HDAC8: variants seen among roughly 807,000 people sequenced by gnomAD.
HDAC8 encodes histone deacetylase-like 1.
HDAC8 carries 1 observed loss-of-function variant against 32.2 expected under a neutral mutation model. That is an observed-to-expected ratio of 0.03 (90% confidence interval 0.01 to 0.15). The LOEUF is 0.15. HDAC8 is among the 10% of genes least tolerant of loss of function. The pLI is 1.00. For synonymous variants in HDAC8, 108 were observed against 113.9 expected (o/e 0.95, Z 0.33); for missense variants, 117 against 300.0 (o/e 0.39, Z 4.51).
intron 9 of HDAC8, among the ~76,000 whole-genome samples, chrX:72,440,149 T>A (rs1432408832): frequency 8.9e-6 from 1 of 111,839 alleles, no homozygotes. Flanking sequence ...ACAATCAAAT[T>A]ACAACTCAGG....
At position 72,329,840 on chromosome X, in the gene HDAC8, C is replaced by A; in HGVS notation, c.*214G>T. ...TAAGAACTTTAAATGTGGGATATCT[C>A]CTTCTTCCCCTAGGTCCAGTTGAGG... On this transcript the variant is annotated 3_prime_UTR_variant, in exon 11 of 11. Coordinates refer to ENST00000373573, the MANE Select transcript of HDAC8 (RefSeq NM_018486.3). 1 of 955,200 alleles carries A rather than the reference C, an allele frequency of 1.0e-6. No individual in the cohort carries two copies. 78.7% of individuals were successfully genotyped at this position (955,200 alleles called of 1,213,427 possible).
intron 9 of HDAC8, among the ~76,000 whole-genome samples, chrX:72,392,293 A>C (rs2045632981): frequency 8.9e-6 from 1 of 111,992 alleles, no homozygotes; most frequent in South Asian, 3.7e-4. Flanking sequence ...CAGGTGGCAC[A>C]AATGTCTCAC....
chrX:72,500,580 C>G (rs782800335), intron 4 of HDAC8, among the ~76,000 whole-genome samples: 2 of 111,624 alleles, frequency 1.8e-5, no homozygotes, highest in Admixed American at 9.5e-5. Flanking sequence ...ATTCAACACC[C>G]CTTCATGTTA....
At chrX:72,356,369 G>A (rs1602565664) in intron 9 of HDAC8, among the ~76,000 whole-genome samples, 1 of 111,443 alleles carries the variant, frequency 9.0e-6, no homozygotes, top group African/African-American at 3.3e-5. Context: ...CGGACAAGGA[G>A]AAGAAGGACA....
At position 72,424,974 on chromosome X, in the gene HDAC8, G is replaced by T. The variant is rs1320860691; in HGVS notation, c.1005+37030C>A. Reference sequence around the variant, plus strand: ...CATTCATCTGTTGATGGTTATTTGGGTTGTTTACACCTTTTGACTATTTTA... The same window carrying T: ...CATTCATCTGTTGATGGTTATTTGGTTTGTTTACACCTTTTGACTATTTTA... On this transcript the variant is annotated intron_variant, in intron 9 of 10. Transcript: ENST00000373573. Among the ~76,000 whole-genome samples the T allele has an allele frequency of 2.7e-5, 3 of 111,993 alleles. No individual in the cohort carries two copies. In the Admixed American group the frequency reaches 2.8e-4, roughly 11 times the overall value.
chrX:72,540,670 C>T (rs1448712802), intron 4 of HDAC8, among the ~76,000 whole-genome samples: 11 of 111,403 alleles, frequency 9.9e-5, no homozygotes, highest in Admixed American at 8.6e-4. Flanking sequence ...CTCTCTCTCC[C>T]GGTCCTGATA....
chrX:72,381,103 T>C (rs782647976), intron 9 of HDAC8, among the ~76,000 whole-genome samples: 1 of 111,922 alleles, frequency 8.9e-6, no homozygotes, highest in Non-Finnish European at 1.9e-5. Flanking sequence ...AATGGCAAAA[T>C]CTCAAGCTTC....
At chrX:72,530,813 T>G (rs2050313208) in intron 4 of HDAC8, among the ~76,000 whole-genome samples, 1 of 112,184 alleles carries the variant, frequency 8.9e-6, no homozygotes. Context: ...ATAAAAACAC[T>G]TGGTTTCTGC....
chrX:72,376,696 G>A (rs1295527804), intron 9 of HDAC8, among the ~76,000 whole-genome samples: 3 of 111,782 alleles, frequency 2.7e-5, no homozygotes, highest in African/African-American at 9.8e-5. Context: ...TGGGATTACA[G>A]GTGTGAGCCA....
chrX:72,557,135 G>A (rs138240615), intron 4 of HDAC8, among the ~76,000 whole-genome samples: 6,997 of 110,899 alleles, frequency 0.063, 249 homozygotes, highest in Non-Finnish European at 0.1. Flanking sequence ...CCCGGGAGGC[G>A]GAGCTTGCAG....
chrX:72,370,638 C>T (rs944807961), intron 9 of HDAC8, among the ~76,000 whole-genome samples: 6 of 112,158 alleles, frequency 5.3e-5, no homozygotes, highest in African/African-American at 1.6e-4. Flanking sequence ...GGATTACAGG[C>T]GTGAGCCACT....
chrX:72,522,630 A>G (rs1410655869), intron 4 of HDAC8, among the ~76,000 whole-genome samples: 1 of 112,453 alleles, frequency 8.9e-6, no homozygotes, highest in Non-Finnish European at 1.9e-5. Flanking sequence ...CATATTAAAA[A>G]TTTTGCAAGC....
At chrX:72,338,026 C>T (rs1029107901) in intron 10 of HDAC8, among the ~76,000 whole-genome samples, 4 of 112,087 alleles carry the variant, frequency 3.6e-5, no homozygotes, top group Non-Finnish European at 7.5e-5. Context: ...TCTGAGAGAC[C>T]TTAGGACCAC....
intron 10 of HDAC8, among the ~76,000 whole-genome samples, chrX:72,331,082 G>A (rs1555940338): frequency 9.5e-6 from 1 of 105,260 alleles, no homozygotes; most frequent in Non-Finnish European, 1.9e-5. Flanking sequence ...GAGTAACTAT[G>A]ACTACAGGTG....
At chrX:72,351,395 C>T (rs1245865770) in intron 10 of HDAC8, 5 of 218,220 alleles carry the variant, frequency 2.3e-5, no homozygotes, top group Non-Finnish European at 4.1e-5. Context: ...CCACGGTGCC[C>T]GGCCAACTTT....
intron 9 of HDAC8, among the ~76,000 whole-genome samples, chrX:72,396,989 G>A (rs2045781421): frequency 8.9e-6 from 1 of 111,785 alleles, no homozygotes; most frequent in African/African-American, 3.3e-5. Context: ...GAAGTATGGT[G>A]CCAGGCATCT....
chrX:72,448,369 C>T (rs1348249257), intron 9 of HDAC8, among the ~76,000 whole-genome samples: 1 of 112,110 alleles, frequency 8.9e-6, no homozygotes, highest in East Asian at 2.8e-4. Flanking sequence ...GTTGGGAAAA[C>T]TGGCTAGCCA....
chrX:72,414,133 A>T (rs1555971085), intron 9 of HDAC8, among the ~76,000 whole-genome samples: 1 of 112,282 alleles, frequency 8.9e-6, no homozygotes, highest in Non-Finnish European at 1.9e-5. Context: ...TTACCCATTA[A>T]ATTACAGCAA....
intron 4 of HDAC8, among the ~76,000 whole-genome samples, chrX:72,566,333 C>A (rs370121274): frequency 9.0e-6 from 1 of 111,625 alleles, no homozygotes; most frequent in Non-Finnish European, 1.9e-5. Flanking sequence ...AACAAACAAA[C>A]AAAGCAAGAA....
Sources: gnomAD v4.1 joint callset for allele counts (sites outside exome capture counted in the v4.1 genomes callset) on GRCh38, gnomAD v4.1.1 for gene constraint, MANE v1.5 for transcripts, NCBI Gene and HGNC (gene_info 2026-07-23, HGNC 2026-07-21) for gene names.